Variants in MED4 observed in about 807,000 individuals in gnomAD.
The protein encoded by MED4 is mediator of RNA polymerase II transcription subunit 4.
A neutral mutation model predicts 35.0 loss-of-function variants in MED4; 21 were observed. That is an observed-to-expected ratio of 0.60 (90% CI 0.43 to 0.86). The LOEUF (loss-of-function observed/expected upper bound fraction) is 0.86, where lower values mean the gene tolerates loss of function less well. MED4 is among the 40% of genes least tolerant of loss of function. The pLI is 0.00. For missense variants in MED4, 300 were observed against 319.4 expected (o/e 0.94, Z 0.46); for synonymous variants, 138 against 114.0 (o/e 1.21, Z -1.34).
chr13:48,082,770 T>C (rs957587435), intron 4 of MED4, among the ~76,000 whole-genome samples: 4 of 150,304 alleles, frequency 2.7e-5, no homozygotes, highest in African/African-American at 9.8e-5. Flanking sequence ...GAGCTTGCAG[T>C]GCGCCGAGAT....
At position 48,076,095 on chromosome 13, in the gene MED4, TGA is replaced by T. The variant is rs1950756771; in HGVS notation, c.*1042_*1043del. 1 of 152,246 alleles carries T rather than the reference TGA, an allele frequency of 6.6e-6. No individual in the cohort carries two copies. The highest frequency in any genetic ancestry group is 2.1e-4 in the South Asian group (1 of 4,836). 9.4% of individuals were successfully genotyped at this position (152,246 alleles called of 1,614,324 possible). A position where few individuals can be genotyped will look rare whatever the true frequency, so the allele number is the denominator to read the frequency against. On this transcript the variant is annotated 3_prime_UTR_variant, in exon 7 of 7. Coordinates refer to ENST00000258648, the MANE Select transcript of MED4 (RefSeq NM_014166.4). The stretch of plus-strand genomic sequence containing the variant: ...CTTTAAAAAAATCTACACTACAATA[TGA>T]ATTGATATTATCTCTGGGTAGAATG...
intron 3 of MED4, among the ~76,000 whole-genome samples, chr13:48,084,810 A>G (rs1033201794): frequency 6.6e-6 from 1 of 151,678 alleles, no homozygotes; most frequent in Admixed American, 6.6e-5. Flanking sequence ...TATTACATAC[A>G]TAAGGATTTT....
intron 4 of MED4, among the ~76,000 whole-genome samples, chr13:48,081,997 C>G (rs60828855): frequency 1.3e-5 from 2 of 152,028 alleles, no homozygotes; most frequent in Non-Finnish European, 2.9e-5. Flanking sequence ...TATTAACTAC[C>G]GTTAAATACC....
At chr13:48,094,700 A>G (rs1340483010) in intron 1 of MED4, among the ~76,000 whole-genome samples, 1 of 152,062 alleles carries the variant, frequency 6.6e-6, no homozygotes, top group African/African-American at 2.4e-5. Context: ...ATAAATGTTA[A>G]GTGGCTGGCC....
At position 48,086,271 on chromosome 13, in the gene MED4, TG is replaced by T. The variant is rs1566119346; in HGVS notation, c.363+10del. 5 of 1,611,646 alleles carry T rather than the reference TG, an allele frequency of 3.1e-6. No homozygotes were observed. The South Asian group carries it at 5.5e-5, about 18-fold the overall frequency. On this transcript the variant is annotated intron_variant, in intron 3 of 6. Coordinates refer to ENST00000258648, the MANE Select transcript of MED4 (RefSeq NM_014166.4). The stretch of plus-strand genomic sequence containing the variant: ...CTTTTTAACCTTAAGAACCAACCTC[TG>T]TCAACTTACCAGTATTTGTTCTGCT...
chr13:48,091,605 T>C (rs945850165), intron 1 of MED4, among the ~76,000 whole-genome samples: 2 of 152,238 alleles, frequency 1.3e-5, no homozygotes, highest in Non-Finnish European at 2.9e-5. Context: ...AAAGTAGATA[T>C]AAGAATGCAA....
At chr13:48,084,345 T>A (rs1950834233) in intron 3 of MED4, among the ~76,000 whole-genome samples, 1 of 151,560 alleles carries the variant, frequency 6.6e-6, no homozygotes, top group Non-Finnish European at 1.5e-5. Context: ...TTAGCCTCCA[T>A]GGGCAAGTTA....
rs763791988 is a variant in MED4, at chr13:48,095,029, C to T, written c.50G>A (p.Gly17Asp). Residue 17 changes from glycine to aspartate, a missense_variant, in exon 1 of 7, where the codon GGT becomes GAT. Gly to Asp is a moderately conservative substitution (Grantham distance 94, BLOSUM62 -1). Transcript: ENST00000258648. ...GCTGTTACCACCCGCCACTCCCAAA[C>T]CGCCTCCCAGCCGCTCCTTCTCCTT... ...GEKEKERLGG[G>D]LGVAGGNSTR... The T allele has an allele frequency of 2.5e-6, 4 of 1,606,490 alleles. No individual in the cohort carries two copies. The highest frequency in any genetic ancestry group is 1.7e-5 in the Admixed American group (1 of 60,024).
chr13:48,079,892 C>T lies in MED4; in HGVS notation c.592G>A (p.Val198Met), dbSNP rs144201204. 2.3e-5 allele frequency: 37 copies of T among 1,613,722 alleles called. No homozygotes were observed. In the Admixed American group the frequency reaches 3.3e-4, roughly 15 times the overall value. Residue 198 changes from valine to methionine, a missense_variant, in exon 6 of 7, where the codon GTG becomes ATG. Val to Met is a conservative substitution (Grantham distance 21). Coordinates refer to ENST00000258648, the MANE Select transcript of MED4 (RefSeq NM_014166.4). ...GCATCTCCTGGTAAATGGCCATTCA[C>T]GCCATTAGTGGAAGGATTGTTCATC... ...GQMNNPSTNG[V>M]NGHLPGDALA...
At chr13:48,092,905 C>A (rs962616063) in intron 1 of MED4, among the ~76,000 whole-genome samples, 1 of 152,246 alleles carries the variant, frequency 6.6e-6, no homozygotes, top group South Asian at 2.1e-4. Context: ...GAAGGCTTTA[C>A]AAGGCTTGCC....
intron 3 of MED4, among the ~76,000 whole-genome samples, chr13:48,085,070 T>A (rs547538974): frequency 6.6e-6 from 1 of 151,864 alleles, no homozygotes; most frequent in African/African-American, 2.4e-5. Flanking sequence ...GATTTCACCA[T>A]GTTGACTAGG....
At chr13:48,092,663 T>A (rs537756680) in intron 1 of MED4, among the ~76,000 whole-genome samples, 2 of 152,324 alleles carry the variant, frequency 1.3e-5, no homozygotes, top group South Asian at 4.1e-4. Context: ...AGATATCTTT[T>A]GGAGGTAGAG....
intron 3 of MED4, among the ~76,000 whole-genome samples, chr13:48,083,844 T>A (rs1454330752): frequency 2.0e-5 from 3 of 152,220 alleles, no homozygotes; most frequent in Non-Finnish European, 4.4e-5. Context: ...TTCGTTTATA[T>A]ATCAGCTCAA....
Position 48,077,263 on chromosome 13 carries a change from T to C in MED4, c.689A>G (p.Asn230Ser). The change falls in exon 7 of 7, where the codon AAT becomes AGT. Residue 230 changes from asparagine (N) to serine (S), a missense_variant. Transcript: ENST00000258648. ...ACTACTATGATTTGGTGGTAACATA[T>C]TCATCGACATGTCATTTGACTGCCA... is the stretch of plus-strand genomic sequence containing the variant. ...YPWQSNDMSMNMLPPNHSSDF... is the reference protein window; with the variant it reads ...YPWQSNDMSMSMLPPNHSSDF... The C allele has an allele frequency of 1.3e-6, 2 of 1,572,872 alleles. No individual in the cohort carries two copies. The highest frequency in any genetic ancestry group is 2.8e-5 in the African/African-American group (2 of 72,216).
At chr13:48,089,105 T>C (rs1298875291) in intron 2 of MED4, among the ~76,000 whole-genome samples, 1 of 152,228 alleles carries the variant, frequency 6.6e-6, no homozygotes, top group Non-Finnish European at 1.5e-5. Flanking sequence ...TAAATTCCTA[T>C]TTAATCCCAC....
At position 48,079,929 on chromosome 13, in the gene MED4, C is replaced by A. The variant is rs754792667; in HGVS notation, c.555G>T (p.Gly185=). 1 of 1,613,912 alleles carries A rather than the reference C, an allele frequency of 6.2e-7. No individual in the cohort carries two copies. The highest frequency in any genetic ancestry group is 8.5e-7 in the Non-Finnish European group (1 of 1,179,832). ...PYPTDLEMRS[G]LLGQMNNPST... ...AAGGATTGTTCATCTGACCCAGTAACCCACTTCTCATCTCTAAATCAGTTG... is the reference window on the plus strand; with the variant it reads ...AAGGATTGTTCATCTGACCCAGTAAACCACTTCTCATCTCTAAATCAGTTG... The change falls in exon 6 of 7, where the codon GGG becomes GGT. Residue 185 remains glycine (G), a synonymous_variant. Transcript: ENST00000258648.
At chr13:48,084,690 A>C (rs1299731143) in intron 3 of MED4, among the ~76,000 whole-genome samples, 1 of 152,216 alleles carries the variant, frequency 6.6e-6, no homozygotes, top group Admixed American at 6.5e-5. Context: ...ACTCAAAGGA[A>C]ATAGACCAAA....
intron 3 of MED4, 97 bp downstream of exon 3, chr13:48,086,184 TC>T: frequency 8.8e-7 from 1 of 1,137,516 alleles, no homozygotes; most frequent in South Asian, 1.5e-5. Context: ...ACTTGGAAAG[TC>T]TAGTTTTCTG....
chr13:48,091,096 G>C (rs1470587403), intron 1 of MED4, among the ~76,000 whole-genome samples: 1 of 152,058 alleles, frequency 6.6e-6, no homozygotes, highest in African/African-American at 2.4e-5. Context: ...ATGAACATAT[G>C]TTTATATATT....
Sources: gnomAD v4.1 joint callset for allele counts (sites outside exome capture counted in the v4.1 genomes callset) on GRCh38, gnomAD v4.1.1 for gene constraint, MANE v1.5 for transcripts, NCBI Gene and HGNC (gene_info 2026-07-23, HGNC 2026-07-21) for gene names.